The following PACS1 variants were observed in gnomAD, a reference collection of about 807,000 sequenced individuals.
The protein encoded by PACS1 is PACS-1.
A neutral mutation model predicts 115.0 loss-of-function variants in PACS1; 24 were observed. The ratio of observed to expected loss-of-function variants is 0.21; its 90% CI spans 0.15 to 0.29. The LOEUF (loss-of-function observed/expected upper bound fraction) is 0.29. Among genes scored for constraint, PACS1 ranks in the 10% least tolerant of loss-of-function variants. PACS1 has a pLI of 1.00. For synonymous variants in PACS1, 453 were observed against 504.5 expected, an observed-to-expected ratio of 0.90 and a Z score of 1.37; for missense variants, 838 against 1,251.2, an observed-to-expected ratio of 0.67 and a Z score of 4.98.
At chr11:66,098,818 T>C (rs951960359) in intron 1 of PACS1, among the ~76,000 whole-genome samples, 1 of 152,126 alleles carries the variant, frequency 6.6e-6, no homozygotes, top group African/African-American at 2.4e-5. Context: ...GCGGATCTTA[T>C]AGTATTTCCT....
intron 1 of PACS1, among the ~76,000 whole-genome samples, chr11:66,096,145 C>T (rs1347628912): frequency 1.3e-5 from 2 of 149,940 alleles, no homozygotes; most frequent in African/African-American, 4.9e-5. Context: ...ATTGCCCAGG[C>T]TGGTCTTGAA....
At chr11:66,119,820 C>T (rs976531638) in intron 1 of PACS1, among the ~76,000 whole-genome samples, 3 of 152,170 alleles carry the variant, frequency 2.0e-5, no homozygotes, top group South Asian at 2.1e-4. Context: ...AGCTGAAGGA[C>T]GTCAGAACTG....
intron 1 of PACS1, among the ~76,000 whole-genome samples, chr11:66,156,017 A>G (rs926790474): frequency 6.6e-6 from 1 of 151,850 alleles, no homozygotes; most frequent in Non-Finnish European, 1.5e-5. Context: ...TAGTGACAAT[A>G]AAATAAAGGA....
rs148068745 is a variant in PACS1 at position 66,219,161 on chromosome 11, G to T, written c.979-585G>T. 4.0e-3 allele frequency among the ~76,000 whole-genome samples: 613 copies of T among 152,080 alleles called. 5 individuals carry two copies. Among genetic ancestry groups the T allele is most frequent in the African/African-American group, 0.014 (560 of 41,476 alleles). On this transcript the variant is annotated intron_variant, in intron 7 of 23. Coordinates refer to ENST00000320580, the MANE Select transcript of PACS1 (RefSeq NM_018026.4). ...GCAGGGTATGAGATGTCAGCTGAAG[G>T]CTGTTGCTATGATCCCAGAGAGGCA...
At chr11:66,120,174 G>C (rs149226862) in intron 1 of PACS1, among the ~76,000 whole-genome samples, 2 of 135,290 alleles carry the variant, frequency 1.5e-5, no homozygotes, top group African/African-American at 5.6e-5. Flanking sequence ...TTGAGACAGA[G>C]TCTCGCTCTG....
chr11:66,076,583 G>A (rs1001841917), intron 1 of PACS1, among the ~76,000 whole-genome samples: 2 of 152,156 alleles, frequency 1.3e-5, no homozygotes, highest in African/African-American at 4.8e-5. Flanking sequence ...AGTAGAGACG[G>A]GGTTTCCCCA....
chr11:66,181,756 AC>A (rs1463061758), intron 1 of PACS1, among the ~76,000 whole-genome samples: 5 of 151,924 alleles, frequency 3.3e-5, no homozygotes, highest in African/African-American at 1.2e-4. Context: ...TTTTTTCCCC[AC>A]ACACCCTGGA....
At chr11:66,159,913 C>G (rs769349468) in intron 1 of PACS1, among the ~76,000 whole-genome samples, 2 of 152,198 alleles carry the variant, frequency 1.3e-5, no homozygotes, top group Non-Finnish European at 2.9e-5. Context: ...GCCCTTTAAT[C>G]TGGGCTAGTA....
chr11:66,123,038 A>T (rs144907668), intron 1 of PACS1, among the ~76,000 whole-genome samples: 1 of 152,326 alleles, frequency 6.6e-6, no homozygotes, highest in East Asian at 1.9e-4. Context: ...AGTCAGTGTG[A>T]CAAACTTCAT....
intron 1 of PACS1, among the ~76,000 whole-genome samples, chr11:66,072,169 T>G (rs1457975072): frequency 6.6e-6 from 1 of 152,224 alleles, no homozygotes; most frequent in East Asian, 1.9e-4. Flanking sequence ...GTGACTTGAT[T>G]GGTTTTTTTA....
chr11:66,201,468 C>T (rs1051595323), intron 2 of PACS1, among the ~76,000 whole-genome samples: 5 of 151,904 alleles, frequency 3.3e-5, no homozygotes, highest in African/African-American at 9.7e-5. Context: ...GAGGGAAATT[C>T]GTAGCTATAA....
intron 1 of PACS1, among the ~76,000 whole-genome samples, chr11:66,075,956 C>G (rs926583986): frequency 6.6e-6 from 1 of 152,086 alleles, no homozygotes; most frequent in Non-Finnish European, 1.5e-5. Flanking sequence ...CCAGGATGCT[C>G]TCGATCTCCT....
At chr11:66,158,566 T>G (rs970098011) in intron 1 of PACS1, among the ~76,000 whole-genome samples, 30 of 152,250 alleles carry the variant, frequency 2.0e-4, no homozygotes, top group African/African-American at 7.0e-4. Flanking sequence ...CTGGGTATGG[T>G]GGGGCACACC....
At chr11:66,159,730 A>G (rs560311180) in intron 1 of PACS1, among the ~76,000 whole-genome samples, 2 of 152,346 alleles carry the variant, frequency 1.3e-5, no homozygotes, top group Admixed American at 6.5e-5. Context: ...GAAACAGTGG[A>G]AAAAGTCCAG....
intron 1 of PACS1, among the ~76,000 whole-genome samples, chr11:66,179,760 G>T (rs976927302): frequency 1.3e-5 from 2 of 152,132 alleles, no homozygotes; most frequent in Admixed American, 1.3e-4. Context: ...TGAACCATAG[G>T]TACTTTTTCT....
intron 1 of PACS1, among the ~76,000 whole-genome samples, chr11:66,136,203 GC>G (rs1858840246): frequency 6.6e-6 from 1 of 151,886 alleles, no homozygotes; most frequent in African/African-American, 2.4e-5. Flanking sequence ...TTGTGCTGTT[GC>G]TTTCAGTGTT....
At chr11:66,137,441 T>C (rs1359227190) in intron 1 of PACS1, among the ~76,000 whole-genome samples, 3 of 152,356 alleles carry the variant, frequency 2.0e-5, no homozygotes, top group Non-Finnish European at 4.4e-5. Context: ...TGACACACTT[T>C]TGGATTTATT....
chr11:66,228,727 A>G (rs992594652), intron 11 of PACS1, among the ~76,000 whole-genome samples: 1 of 152,206 alleles, frequency 6.6e-6, no homozygotes, highest in Non-Finnish European at 1.5e-5. Context: ...TGACGTCAGC[A>G]TACCTGTTAC....
chr11:66,102,302 T>C (rs1265352249), intron 1 of PACS1, among the ~76,000 whole-genome samples: 1 of 150,530 alleles, frequency 6.6e-6, no homozygotes, highest in Non-Finnish European at 1.5e-5. Flanking sequence ...CCATCGGATT[T>C]ACTATTATTA....
Sources: allele counts gnomAD v4.1 joint callset (sites outside exome capture counted in the v4.1 genomes callset), GRCh38; gene constraint gnomAD v4.1.1; transcripts MANE v1.5; gene names NCBI Gene and HGNC (gene_info 2026-07-23, HGNC 2026-07-21).